The following TTC39B variants were observed in gnomAD, a reference collection of about 807,000 sequenced individuals.
The protein encoded by TTC39B is tetratricopeptide repeat domain 39B, also known as tetratricopeptide repeat protein 39B.
TTC39B carries 92 observed loss-of-function variants against 96.6 expected under a neutral mutation model. The observed-to-expected ratio is 0.95, with a 90% CI of 0.80 to 1.13. TTC39B has a LOEUF of 1.13. Ranked by LOEUF, TTC39B falls within the 50% of genes most tolerant of loss-of-function variation. The probability of loss-of-function intolerance (pLI) is 0.00; values close to 1 mark genes in which losing one functional copy is unlikely to be tolerated. For missense variants in TTC39B, 955 were observed against 809.3 expected, an observed-to-expected ratio of 1.18 and a Z score of -2.18; for synonymous variants, 367 against 299.4, an observed-to-expected ratio of 1.23 and a Z score of -2.33.
intron 2 of TTC39B, among the ~76,000 whole-genome samples, chr9:15,259,978 T>G (rs1193791985): frequency 6.6e-6 from 1 of 152,202 alleles, no homozygotes; most frequent in East Asian, 1.9e-4. Flanking sequence ...CAGATTTCTT[T>G]TTCAGACGAT....
At chr9:15,266,594 A>G (rs559920117) in intron 2 of TTC39B, among the ~76,000 whole-genome samples, 111 of 152,322 alleles carry the variant, frequency 7.3e-4, no homozygotes, top group African/African-American at 2.6e-3. Context: ...ATTGGTAGCC[A>G]AGTAAATTGA....
intron 1 of TTC39B, among the ~76,000 whole-genome samples, chr9:15,284,723 C>G (rs1052986796): frequency 6.6e-6 from 1 of 152,104 alleles, no homozygotes; most frequent in Non-Finnish European, 1.5e-5. Context: ...TTAAGCTGGT[C>G]TCTTCTGAGG....
chr9:15,229,699 G>A (rs1012950245), intron 2 of TTC39B, among the ~76,000 whole-genome samples: 4 of 152,002 alleles, frequency 2.6e-5, no homozygotes, highest in Non-Finnish European at 4.4e-5. Context: ...TTTTCCATAC[G>A]TGCTCAGGTC....
chr9:15,182,552 C>T (rs1424073442), intron 16 of TTC39B, 137 bp from the exon 17 acceptor site: 4 of 527,318 alleles, frequency 7.6e-6, no homozygotes, highest in South Asian at 3.4e-5. Flanking sequence ...TTTTCCTTTG[C>T]TTTTGCCTTT....
At chr9:15,298,798 AC>A (rs1312664395) in intron 1 of TTC39B, among the ~76,000 whole-genome samples, 1 of 152,052 alleles carries the variant, frequency 6.6e-6, no homozygotes, top group Non-Finnish European at 1.5e-5. Context: ...CTAACAAAGT[AC>A]CCTTCCAGCC....
rs532780117 is a variant in TTC39B at position 15,208,270 on chromosome 9, G to A, written c.691+1818C>T. Among the ~76,000 whole-genome samples, 17 of 151,820 alleles carry A rather than the reference G, an allele frequency of 1.1e-4. No individual in the cohort carries two copies. In the East Asian group the frequency reaches 2.7e-3, roughly 24 times the overall value. On this transcript the variant is annotated intron_variant, in intron 6 of 19. Transcript: ENST00000512701. Reference sequence around the variant, plus strand: ...TAACTCCTGACCTTGTGATCCACCCGCCTCGGCCTCCCAAAGTGCTGGGAT... The same window carrying A: ...TAACTCCTGACCTTGTGATCCACCCACCTCGGCCTCCCAAAGTGCTGGGAT...
intron 19 of TTC39B, 150 bp downstream of exon 19, chr9:15,174,869 A>G (rs1817844998): frequency 1.6e-6 from 1 of 634,832 alleles, no homozygotes; most frequent in Non-Finnish European, 2.8e-6. Flanking sequence ...AAAAGCCATG[A>G]GCATAAATCA....
At position 15,243,162 on chromosome 9, in the gene TTC39B, G is replaced by A. The variant is rs1822121266; in HGVS notation, c.276-17150C>T. On this transcript the variant is annotated intron_variant, in intron 2 of 19. Transcript: ENST00000512701. The stretch of plus-strand genomic sequence containing the variant: ...GCACCCAACGCCATGTCAGAAGGAG[G>A]AGAGAGAGGGAAAACCTTTTAAGAA... 2.6e-5 allele frequency among the ~76,000 whole-genome samples: 4 copies of A among 152,214 alleles called. No homozygotes were observed. In the South Asian group the frequency reaches 6.2e-4, roughly 24 times the overall value.
intron 1 of TTC39B, among the ~76,000 whole-genome samples, chr9:15,289,868 T>C (rs1824118625): frequency 6.6e-6 from 1 of 152,202 alleles, no homozygotes; most frequent in African/African-American, 2.4e-5. Flanking sequence ...CTACATATCA[T>C]CTGCTTTCTT....
chr9:15,194,615 C>T (rs186036968), intron 8 of TTC39B, among the ~76,000 whole-genome samples: 2 of 152,324 alleles, frequency 1.3e-5, no homozygotes, highest in African/African-American at 4.8e-5. Context: ...CTGTGTTGAG[C>T]AAGTCTATCG....
chr9:15,238,968 G>C (rs1003283826), intron 2 of TTC39B, among the ~76,000 whole-genome samples: 8 of 152,284 alleles, frequency 5.3e-5, no homozygotes, highest in African/African-American at 1.4e-4. Context: ...CCAGGTGACA[G>C]AGTGAGACCC....
chr9:15,173,252 C>T (rs1055203515), intron 19 of TTC39B, among the ~76,000 whole-genome samples: 1 of 152,124 alleles, frequency 6.6e-6, no homozygotes, highest in African/African-American at 2.4e-5. Context: ...AAATATTGGT[C>T]ATACTCCCAA....
Sources: gnomAD v4.1 joint callset for allele counts (sites outside exome capture counted in the v4.1 genomes callset) on GRCh38, gnomAD v4.1.1 for gene constraint, MANE v1.5 for transcripts, NCBI Gene and HGNC (gene_info 2026-07-23, HGNC 2026-07-21) for gene names.